AGO2: variants seen among roughly 807,000 people sequenced by gnomAD.
AGO2 encodes the protein argonaute RISC catalytic component 2.
Under a neutral mutation model 102.3 loss-of-function variants are expected in AGO2, and 5 were observed. The observed-to-expected ratio is 0.05, with a 90% CI of 0.03 to 0.10. The LOEUF (loss-of-function observed/expected upper bound fraction) is 0.10, where lower values mean the gene tolerates loss of function less well. Among genes scored for constraint, AGO2 ranks in the 10% least tolerant of loss-of-function variants. AGO2 has a pLI of 1.00. For synonymous variants in AGO2, 449 were observed against 473.1 expected (o/e 0.95, Z 0.66); for missense variants, 541 against 1,183.7 (o/e 0.46, Z 7.97).
At chr8:140,552,528 G>A (rs558375781) in intron 10 of AGO2, among the ~76,000 whole-genome samples, 1 of 152,130 alleles carries the variant, frequency 6.6e-6, no homozygotes, top group Non-Finnish European at 1.5e-5. Flanking sequence ...AGCATCTTTC[G>A]TACAAAATAC....
intron 1 of AGO2, among the ~76,000 whole-genome samples, chr8:140,628,936 A>T (rs1376693208): frequency 6.6e-6 from 1 of 151,972 alleles, no homozygotes; most frequent in African/African-American, 2.4e-5. Flanking sequence ...AAAATACAAA[A>T]AAAAAATTTG....
intron 1 of AGO2, among the ~76,000 whole-genome samples, chr8:140,628,334 A>G (rs1253859662): frequency 6.6e-6 from 1 of 152,214 alleles, no homozygotes; most frequent in East Asian, 1.9e-4. Flanking sequence ...GGCCCCAGGA[A>G]TGAGGAGGAC....
In AGO2 at chr8:140,527,603, G is replaced by A. The variant is rs758306392; in HGVS notation, c.*4441C>T. On this transcript the variant is annotated 3_prime_UTR_variant, in exon 19 of 19. Transcript: ENST00000220592. This position sits in a 1 kb window ranked among gnomAD's most constrained non-coding sequence, Gnocchi z 6.0. ...TCACAGCAGACGAGACTGCTGGCACGGCAGCTAGAGTGCAACTCCTCGGTC... is the reference window on the plus strand; with the variant it reads ...TCACAGCAGACGAGACTGCTGGCACAGCAGCTAGAGTGCAACTCCTCGGTC... The A allele has an allele frequency of 1.3e-5, 2 of 152,610 alleles. No homozygotes were observed. Among genetic ancestry groups the A allele is most frequent in the South Asian group, 4.2e-4 (2 of 4,804 alleles). 9.5% of individuals were successfully genotyped at this position (152,610 alleles called of 1,614,324 possible).
At chr8:140,591,201 C>T (rs897456849) in intron 1 of AGO2, among the ~76,000 whole-genome samples, 2 of 152,238 alleles carry the variant, frequency 1.3e-5, no homozygotes, top group African/African-American at 4.8e-5. Context: ...GGAAGGCTTT[C>T]GTTTCTGTTC....
chr8:140,595,966 AAT>A (rs1353966233), intron 1 of AGO2, among the ~76,000 whole-genome samples: 1 of 125,798 alleles, frequency 7.9e-6, no homozygotes, highest in Non-Finnish European at 1.6e-5. Context: ...AATATATATA[AAT>A]TATATATATT....
chr8:140,540,996 C>T lies in AGO2; in HGVS notation c.2034+168G>A, dbSNP rs891508193. On this transcript the variant is annotated intron_variant, in intron 15 of 18. Coordinates refer to ENST00000220592, the MANE Select transcript of AGO2 (RefSeq NM_012154.5). The surrounding 1 kb of genome is among the most constrained non-coding windows in gnomAD (Gnocchi z 5.0). ...TCATGTGTTAGGGTCTCGACAGCCCCGTGTCCCATCTCCTCCCCTGGACCC... is the reference window on the plus strand; with the variant it reads ...TCATGTGTTAGGGTCTCGACAGCCCTGTGTCCCATCTCCTCCCCTGGACCC... 6.6e-6 allele frequency among the ~76,000 whole-genome samples: 1 copy of T among 152,166 alleles called. No homozygotes were observed. Among genetic ancestry groups the T allele is most frequent in the Non-Finnish European group, 1.5e-5 (1 of 68,040 alleles).
At chr8:140,641,295 AACACACACACACACACACAC>A in the AGO2 span, among the ~76,000 whole-genome samples, 4 of 146,872 alleles carry the variant, frequency 2.7e-5, no homozygotes, top group South Asian at 2.2e-4. Context: ...GCTGTCTCAA[AACACACACACACACACACAC>A]ACACACACAC....
At chr8:140,580,495 A>G (rs1483204431) in intron 2 of AGO2, among the ~76,000 whole-genome samples, 1 of 152,188 alleles carries the variant, frequency 6.6e-6, no homozygotes, top group Admixed American at 6.5e-5. Context: ...ACGACGGAGG[A>G]GCCCAGACTC....
chr8:140,545,039 T>A (rs1476772815), intron 13 of AGO2, among the ~76,000 whole-genome samples: 1 of 152,132 alleles, frequency 6.6e-6, no homozygotes, highest in African/African-American at 2.4e-5. Context: ...TCAGGAAGCA[T>A]CAGAAGTGGC....
intron 1 of AGO2, among the ~76,000 whole-genome samples, chr8:140,604,352 G>A (rs1018006960): frequency 2.0e-5 from 3 of 152,146 alleles, no homozygotes; most frequent in Non-Finnish European, 4.4e-5. Flanking sequence ...TGAAATTAAC[G>A]GCTAATTATG....
chr8:140,585,076 G>T (rs553546681), intron 2 of AGO2, 43 bp downstream of exon 2: 2 of 1,571,430 alleles, frequency 1.3e-6, no homozygotes, highest in Non-Finnish European at 1.7e-6. Flanking sequence ...GTGTCTGTCC[G>T]CGCAGACCAC....
chr8:140,549,048 G>C, intron 12 of AGO2, 66 bp downstream of exon 12: 6 of 1,519,092 alleles, frequency 3.9e-6, no homozygotes, highest in Non-Finnish European at 5.3e-6. Context: ...GAGGGGCTTA[G>C]GCAGGAACAA....
intron 17 of AGO2, among the ~76,000 whole-genome samples, chr8:140,533,119 G>T (rs774323259): frequency 6.6e-6 from 1 of 151,952 alleles, no homozygotes; most frequent in Admixed American, 6.6e-5. Flanking sequence ...GCTGGGCCCG[G>T]TGGCTCACAC....
intron 1 of AGO2, among the ~76,000 whole-genome samples, chr8:140,621,652 G>A (rs2152107617): frequency 6.6e-6 from 1 of 152,270 alleles, no homozygotes; most frequent in African/African-American, 2.4e-5. Flanking sequence ...ACTCTGGCAT[G>A]AAGAAATGAA....
At chr8:140,550,392 C>T (rs2072974991) in intron 11 of AGO2, among the ~76,000 whole-genome samples, 1 of 152,204 alleles carries the variant, frequency 6.6e-6, no homozygotes. Context: ...TGTGTGCTCC[C>T]AACACAGTCC....
chr8:140,537,790 T>C (rs1167677331), intron 16 of AGO2, among the ~76,000 whole-genome samples: 2 of 152,214 alleles, frequency 1.3e-5, no homozygotes, highest in Non-Finnish European at 2.9e-5. Context: ...CTGTATCTTT[T>C]TGGTGAATCA....
intron 10 of AGO2, 59 bp from the exon 11 acceptor site, chr8:140,551,495 T>C: frequency 7.1e-7 from 1 of 1,415,828 alleles, no homozygotes; most frequent in African/African-American, 1.5e-5. Context: ...CCTTCAACCT[T>C]AGACTTTGTC....
intron 8 of AGO2, 96 bp from the exon 9 acceptor site, chr8:140,556,382 G>A: frequency 2.0e-6 from 3 of 1,517,410 alleles, no homozygotes; most frequent in Non-Finnish European, 9.0e-7. Context: ...GGCTCTGCTT[G>A]GGACCGTCTC....
rs913276852 is a variant in AGO2, at chr8:140,520,613, C to A, written c.*11431G>T. The A allele has an allele frequency of 7.2e-5, 11 of 152,036 alleles. No individual in the cohort carries two copies. The East Asian group carries it at 1.7e-3, about 24-fold the overall frequency. 9.4% of individuals were successfully genotyped at this position (152,036 alleles called of 1,614,324 possible). On this transcript the variant is annotated 3_prime_UTR_variant, in exon 19 of 19. Coordinates refer to ENST00000220592, the MANE Select transcript of AGO2 (RefSeq NM_012154.5). ...TGTGAAGACGGGCTCTCTGGAGAGA[C>A]CAGAGGCTCGGGCTGCCTGATTTCA...
Sources: allele counts gnomAD v4.1 joint callset (sites outside exome capture counted in the v4.1 genomes callset), GRCh38; gene constraint gnomAD v4.1.1; non-coding constraint Gnocchi (gnomAD v3.1); transcripts MANE v1.5; gene names NCBI Gene and HGNC (gene_info 2026-07-23, HGNC 2026-07-21).